HSD17B4: variants seen among roughly 807,000 people sequenced by gnomAD.
HSD17B4 encodes the protein hydroxysteroid 17-beta dehydrogenase 4, also known as peroxisomal multifunctional enzyme type 2.
In HSD17B4, 70 loss-of-function variants were observed where a neutral mutation model predicts 101.0. That is an observed-to-expected ratio of 0.69 (90% CI 0.57 to 0.85). HSD17B4 has a LOEUF of 0.85. Among genes scored for constraint, HSD17B4 ranks in the 40% least tolerant of loss-of-function variants. The pLI is 0.00. For missense variants in HSD17B4, 984 were observed against 892.4 expected, an observed-to-expected ratio of 1.10 and a Z score of -1.31; for synonymous variants, 347 against 297.1, an observed-to-expected ratio of 1.17 and a Z score of -1.73.
Position 119,474,013 on chromosome 5 carries a change from A to G in HSD17B4, c.218A>G (p.Tyr73Cys), listed in dbSNP as rs1205465184. 8 of 1,492,616 alleles carry G rather than the reference A, an allele frequency of 5.4e-6. No individual in the cohort carries two copies. Among genetic ancestry groups the G allele is most frequent in the Non-Finnish European group, 6.5e-6 (7 of 1,070,330 alleles). The allele number at this position is 1,492,616 out of a possible 1,614,324, so 92.5% of individuals were successfully genotyped here. Residue 73 changes from tyrosine to cysteine, a missense_variant and splice_region_variant, in exon 3 of 24, where the codon TAT (tyrosine) becomes TGT (cysteine). Tyr to Cys is a radical substitution (Grantham distance 194). Coordinates refer to ENST00000510025, the MANE Select transcript of HSD17B4 (RefSeq NM_000414.4). ...AGAGGTGGAAAAGCAGTGGCCAACT[A>G]TGGTATGGTATTTGAGAGAACTATA... is the stretch of plus-strand genomic sequence containing the variant. ...RRRGGKAVAN[Y>C]DSVEEGEKVV... is the part of the protein sequence containing the mutation.
At position 119,473,779 on chromosome 5, in the gene HSD17B4, G is replaced by T. The variant is rs1164849570; in HGVS notation, c.113-129G>T. On this transcript the variant is annotated intron_variant, in intron 2 of 23. Coordinates refer to ENST00000510025, the MANE Select transcript of HSD17B4 (RefSeq NM_000414.4). ...TGTTGTGTTTAGTAAGATGGGATAGGGTAGGAAGGAACTGGGCAGATGACT... is the reference window on the plus strand; with the variant it reads ...TGTTGTGTTTAGTAAGATGGGATAGTGTAGGAAGGAACTGGGCAGATGACT... 6 of 713,214 alleles carry T rather than the reference G, an allele frequency of 8.4e-6. 1 individual carries two copies. Among genetic ancestry groups the T allele is most frequent in the Non-Finnish European group, 1.6e-5 (6 of 385,650 alleles). 44.2% of individuals were successfully genotyped at this position (713,214 alleles called of 1,614,324 possible). A position where few individuals can be genotyped will look rare whatever the true frequency, so the allele number is the denominator to read the frequency against.
rs1198225664 is a variant in HSD17B4 at position 119,462,988 on chromosome 5, T to A, written c.112+6620T>A. ...TTGTAATTTTGTATTGGTTAATCAATCTCTTCCTATTCCCCTCTTCCCTGC... is the reference window on the plus strand; with the variant it reads ...TTGTAATTTTGTATTGGTTAATCAAACTCTTCCTATTCCCCTCTTCCCTGC... On this transcript the variant is annotated intron_variant, in intron 2 of 23. Coordinates refer to ENST00000510025, the MANE Select transcript of HSD17B4 (RefSeq NM_000414.4). Among the ~76,000 whole-genome samples, 3 of 152,314 alleles carry A rather than the reference T, an allele frequency of 2.0e-5. No homozygotes were observed. The East Asian group carries it at 5.8e-4, about 29-fold the overall frequency.
At chr5:119,454,800 T>G (rs1377086775) in intron 1 of HSD17B4, among the ~76,000 whole-genome samples, 1 of 151,986 alleles carries the variant, frequency 6.6e-6, no homozygotes, top group African/African-American at 2.4e-5. Flanking sequence ...TTTTGTGGTT[T>G]GAATAGAGAC....
intron 2 of HSD17B4, among the ~76,000 whole-genome samples, chr5:119,460,412 A>G (rs1208941228): frequency 1.3e-5 from 2 of 152,240 alleles, no homozygotes; most frequent in South Asian, 2.1e-4. Flanking sequence ...AATGAGCCGT[A>G]CATGAAATAC....
chr5:119,532,439 A>T (rs1234915903), intron 22 of HSD17B4, among the ~76,000 whole-genome samples: 1 of 152,132 alleles, frequency 6.6e-6, no homozygotes, highest in East Asian at 1.9e-4. Flanking sequence ...AGCCATGTAG[A>T]AAGCATAGTT....
At chr5:119,464,122 T>G (rs1288915974) in intron 2 of HSD17B4, among the ~76,000 whole-genome samples, 1 of 152,184 alleles carries the variant, frequency 6.6e-6, no homozygotes, top group Non-Finnish European at 1.5e-5. Flanking sequence ...TGCAAATATT[T>G]TCTCCCATTC....
rs1749275917 is a variant in HSD17B4, at chr5:119,482,938, A to T, written c.622+3917A>T. Among the ~76,000 whole-genome samples the T allele has an allele frequency of 4.0e-5, 6 of 148,838 alleles. No homozygotes were observed. In the South Asian group the frequency reaches 1.3e-3, roughly 32 times the overall value. On this transcript the variant is annotated intron_variant, in intron 8 of 23. Transcript: ENST00000510025. ...TTTTCTTTTCCTTCCCTTATTTGAG[A>T]TGGGAAAGCTAGAGAAGTTCCAACT...
At chr5:119,456,452 T>C in intron 2 of HSD17B4, 84 bp downstream of exon 2, 1 of 948,218 alleles carries the variant, frequency 1.1e-6, no homozygotes, top group Non-Finnish European at 1.7e-6. Context: ...TTCTATCAAA[T>C]AATTTGTCAA....
In HSD17B4 at chr5:119,492,130, T is replaced by A; in HGVS notation, c.739+6T>A. On this transcript the variant is annotated splice_donor_region_variant and intron_variant, in intron 10 of 23. Coordinates refer to ENST00000510025, the MANE Select transcript of HSD17B4 (RefSeq NM_000414.4). ...AGCAGGATGGATTGGAAAATGTAAG[T>A]CTCTCTCAGTTTTTGGTTTGTATAG... 1 of 1,603,526 alleles carries A rather than the reference T, an allele frequency of 6.2e-7. No individual in the cohort carries two copies. Among genetic ancestry groups the A allele is most frequent in the South Asian group, 1.1e-5 (1 of 90,802 alleles).
intron 17 of HSD17B4, among the ~76,000 whole-genome samples, chr5:119,521,868 G>C (rs74934964): frequency 0.3 from 44,348 of 150,092 alleles, 7,380 homozygotes; most frequent in East Asian, 0.4. Flanking sequence ...TTATTTGGAG[G>C]GGGGGTGGAT....
chr5:119,491,958 C>G, intron 9 of HSD17B4, 142 bp from the exon 10 acceptor site: 1 of 761,750 alleles, frequency 1.3e-6, no homozygotes, highest in South Asian at 1.4e-5. Flanking sequence ...CCAGTGGACT[C>G]TTACAGAGCT....
intron 18 of HSD17B4, 24 bp downstream of exon 18, chr5:119,525,309 A>G: frequency 7.1e-7 from 1 of 1,403,092 alleles, no homozygotes; most frequent in South Asian, 1.2e-5. Context: ...AATATGTATC[A>G]ATGAAAAATA....
chr5:119,530,037 G>A (rs2126890224), intron 21 of HSD17B4, 57 bp downstream of exon 21: 1 of 1,017,330 alleles, frequency 9.8e-7, no homozygotes, highest in Admixed American at 1.7e-5. Context: ...TTCAGTTAAG[G>A]TGACTTTAAG....
intron 20 of HSD17B4, among the ~76,000 whole-genome samples, chr5:119,527,431 T>C (rs1436967268): frequency 1.3e-5 from 2 of 152,132 alleles, no homozygotes; most frequent in Admixed American, 6.6e-5. Context: ...CTGTGTTTTA[T>C]TTTCTCTTTT....
chr5:119,479,562 G>A (rs891440689), intron 8 of HSD17B4, among the ~76,000 whole-genome samples: 2 of 152,042 alleles, frequency 1.3e-5, no homozygotes, highest in African/African-American at 4.8e-5. Flanking sequence ...ATAAAGTTAT[G>A]TATCCACTGT....
intron 2 of HSD17B4, among the ~76,000 whole-genome samples, chr5:119,465,702 A>G (rs1755739009): frequency 6.6e-6 from 1 of 152,190 alleles, no homozygotes; most frequent in Non-Finnish European, 1.5e-5. Flanking sequence ...GTATTCATTT[A>G]TCAGTTCTAA....
Position 119,452,588 on chromosome 5 carries a change from CT to C in HSD17B4, c.14del (p.Leu5ArgfsTer31). MGSP[L>X]RFDGRVVLVT... ...GCAGGCCTTATTCATGGGCTCACCG[CT>C]GAGGTTCGACGGGCGGGTGGTACTG... On this transcript the variant is annotated frameshift_variant, in exon 1 of 24. Transcript: ENST00000510025. LOFTEE classifies it high-confidence loss of function. 6.2e-7 allele frequency: 1 copy of C among 1,614,054 alleles called. No individual in the cohort carries two copies. Among genetic ancestry groups the C allele is most frequent in the Non-Finnish European group, 8.5e-7 (1 of 1,180,004 alleles).
chr5:119,490,131 T>G (rs1327308608), intron 9 of HSD17B4, among the ~76,000 whole-genome samples: 17 of 152,114 alleles, frequency 1.1e-4, no homozygotes, highest in South Asian at 2.1e-4. Flanking sequence ...CTTATTTCAT[T>G]TGAATGAAAA....
chr5:119,464,031 T>G (rs1040671686), intron 2 of HSD17B4, among the ~76,000 whole-genome samples: 2 of 152,144 alleles, frequency 1.3e-5, no homozygotes, highest in African/African-American at 4.8e-5. Context: ...ATTATTTATT[T>G]ATTAGGATTA....
Sources: allele counts gnomAD v4.1 joint callset (sites outside exome capture counted in the v4.1 genomes callset), GRCh38; gene constraint gnomAD v4.1.1; transcripts MANE v1.5; gene names NCBI Gene and HGNC (gene_info 2026-07-23, HGNC 2026-07-21).